Variants in NAA38 observed in about 807,000 individuals in gnomAD.
NAA38 encodes LSM domain containing 1.
Under a neutral mutation model 12.6 loss-of-function variants are expected in NAA38, and 15 were observed. That is an observed-to-expected ratio of 1.19 (90% CI 0.79 to 1.83). The LOEUF is 1.83. Among genes scored for constraint, NAA38 ranks in the 40% most tolerant of loss-of-function variants. The pLI, the probability that NAA38 is intolerant of heterozygous loss-of-function variation, is 0.00. For synonymous variants in NAA38, 88 were observed against 69.9 expected, an observed-to-expected ratio of 1.26 and a Z score of -1.29; for missense variants, 183 against 171.7, an observed-to-expected ratio of 1.07 and a Z score of -0.37.
chr17:7,857,696 T>C, upstream of NAA38: 11 of 1,313,518 alleles, frequency 8.4e-6, no homozygotes, highest in South Asian at 4.7e-5. Context: ...GACCTTTACC[T>C]CTGGTTTCTT....
intron 1 of NAA38, 67 bp downstream of exon 1, chr17:7,857,316 A>C (rs1388905489): frequency 7.4e-6 from 12 of 1,612,334 alleles, no homozygotes; most frequent in Non-Finnish European, 1.0e-5. Flanking sequence ...CGGGAGCTGC[A>C]GTTCCCCACC....
upstream of NAA38, chr17:7,857,754 C>T (rs958213407): frequency 4.7e-6 from 6 of 1,276,358 alleles, no homozygotes; most frequent in African/African-American, 7.5e-5. Context: ...TTCTTTCATA[C>T]TGCCTCCTCC....
At chr17:7,857,295 C>T (rs750043620) in intron 1 of NAA38, 88 bp downstream of exon 1, 33 of 1,612,052 alleles carry the variant, frequency 2.0e-5, no homozygotes, top group Non-Finnish European at 2.5e-5. Context: ...CACACAAAGC[C>T]CAGAGGCTGC....
chr17:7,857,674 A>C, upstream of NAA38: 1 of 1,330,714 alleles, frequency 7.5e-7, no homozygotes, highest in Non-Finnish European at 9.6e-7. Flanking sequence ...CGGATGTCTT[A>C]AGATATCGCG....
At chr17:7,859,971 G>A, upstream of NAA38, 1 of 235,138 alleles carries the variant, frequency 4.3e-6, no homozygotes, top group African/African-American at 2.3e-5. Context: ...GAAATGAGAT[G>A]TCTGCAGGAA....
intron 2 of NAA38, among the ~76,000 whole-genome samples, chr17:7,868,499 G>A (rs1269303972): frequency 6.6e-6 from 1 of 152,162 alleles, no homozygotes; most frequent in Non-Finnish European, 1.5e-5. Context: ...CCTTCCTTTG[G>A]ATTCCATTTC....
intron 2 of NAA38, among the ~76,000 whole-genome samples, chr17:7,869,067 C>G (rs1347192476): frequency 6.6e-6 from 1 of 152,222 alleles, no homozygotes; most frequent in Non-Finnish European, 1.5e-5. Context: ...TTGCAGTCAT[C>G]TTAAGTGAAC....
At position 7,857,197 on chromosome 17, in the gene NAA38, T is replaced by C. The variant is rs1298568112; in HGVS notation, c.83A>G (p.Asp28Gly). ...SRRQSSSSAG[D>G]SDGEREDSAA... The stretch of plus-strand genomic sequence containing the variant: ...CGAGTCCTCGCGCTCTCCGTCCGAA[T>C]CCTGCGCGGGGTGTAACAAGCGCTC... Residue 28 changes from aspartate to glycine, a missense_variant and splice_region_variant, in exon 2 of 3, where the codon GAT becomes GGT. By Grantham distance (94) the Asp-to-Gly change is moderately conservative. Coordinates refer to ENST00000575771, the MANE Select transcript of NAA38 (RefSeq NM_001320925.4). 2 of 1,613,054 alleles carry C rather than the reference T, an allele frequency of 1.2e-6. No individual in the cohort carries two copies. Among genetic ancestry groups the C allele is most frequent in the Non-Finnish European group, 1.7e-6 (2 of 1,180,008 alleles).
At chr17:7,882,863 G>A (rs73233646) in intron 2 of NAA38, among the ~76,000 whole-genome samples, 13,323 of 152,180 alleles carry the variant, frequency 0.088, 1,299 homozygotes, top group African/African-American at 0.24. Context: ...GAGCACCGCC[G>A]AAGATGGGTG....
At chr17:7,871,628 G>A (rs906500161) in intron 2 of NAA38, among the ~76,000 whole-genome samples, 3 of 152,094 alleles carry the variant, frequency 2.0e-5, no homozygotes, top group African/African-American at 4.8e-5. Context: ...TGAAGAAATA[G>A]GAAGTAGATC....
rs773963668 is a variant in NAA38, at chr17:7,856,726, C to T, written c.*5G>A. ...ATGAAGTCTGAAAGGTAAGCGCCAT[C>T]GTGGTCAGAGATACGGAGGCCCGGT... On this transcript the variant is annotated 3_prime_UTR_variant, in exon 3 of 3. Transcript: ENST00000575771. 8.1e-6 allele frequency: 13 copies of T among 1,610,206 alleles called. No individual in the cohort carries two copies. The South Asian group carries it at 1.4e-4, about 18-fold the overall frequency.
upstream of NAA38, chr17:7,858,203 G>A (rs748640774): frequency 6.2e-7 from 1 of 1,613,970 alleles, no homozygotes; most frequent in Non-Finnish European, 8.5e-7. Context: ...TCACGCCGGC[G>A]GAGGTGGCCC....
At position 7,856,716 on chromosome 17, in the gene NAA38, T is replaced by G. The variant is rs1439462073; in HGVS notation, c.*15A>C. 1 of 1,601,834 alleles carries G rather than the reference T, an allele frequency of 6.2e-7. No individual in the cohort carries two copies. The highest frequency in any genetic ancestry group is 1.7e-5 in the Admixed American group (1 of 59,926). On this transcript the variant is annotated 3_prime_UTR_variant, in exon 3 of 3. Transcript: ENST00000575771. Reference sequence around the variant, plus strand: ...CATAAGTTTAATGAAGTCTGAAAGGTAAGCGCCATCGTGGTCAGAGATACG... The same window carrying G: ...CATAAGTTTAATGAAGTCTGAAAGGGAAGCGCCATCGTGGTCAGAGATACG...
At chr17:7,859,631 G>A (rs1348392605), upstream of NAA38, 1 of 1,609,044 alleles carries the variant, frequency 6.2e-7, no homozygotes, top group East Asian at 2.2e-5. Flanking sequence ...ATGTACACTC[G>A]TGTAGACTCA....
At chr17:7,859,445 G>A (rs756428487), upstream of NAA38, 14 of 1,613,992 alleles carry the variant, frequency 8.7e-6, no homozygotes, top group African/African-American at 1.6e-4. Flanking sequence ...CTCACATGCT[G>A]CCAGCTACAC....
chr17:7,876,161 T>C (rs1024330117), intron 2 of NAA38, among the ~76,000 whole-genome samples: 2 of 152,148 alleles, frequency 1.3e-5, no homozygotes, highest in Admixed American at 1.3e-4. Flanking sequence ...AGTATTGAAA[T>C]TGCAAGGTCA....
chr17:7,868,037 G>C (rs145225056), intron 2 of NAA38, among the ~76,000 whole-genome samples: 118 of 152,324 alleles, frequency 7.7e-4, no homozygotes, highest in Non-Finnish European at 1.3e-3. Flanking sequence ...CACATGTCCA[G>C]ATCTTGTTGG....
chr17:7,870,943 T>C (rs1967075862), intron 2 of NAA38, among the ~76,000 whole-genome samples: 1 of 151,142 alleles, frequency 6.6e-6, no homozygotes, highest in Non-Finnish European at 1.5e-5. Flanking sequence ...CCCAGGCTGA[T>C]CTTGAACTCC....
intron 1 of NAA38, chr17:7,885,036 C>T: frequency 8.9e-7 from 1 of 1,121,896 alleles, no homozygotes; most frequent in Admixed American, 4.9e-5. Flanking sequence ...CCGCCGCCGC[C>T]GCCGCCGCCG....
Sources: gnomAD v4.1 joint callset for allele counts (sites outside exome capture counted in the v4.1 genomes callset) on GRCh38, gnomAD v4.1.1 for gene constraint, MANE v1.5 for transcripts, NCBI Gene and HGNC (gene_info 2026-07-23, HGNC 2026-07-21) for gene names.